IQCM: variants seen among roughly 807,000 people sequenced by gnomAD.
The protein encoded by IQCM is IQ motif containing M, also known as IQ domain-containing protein M.
Under a neutral mutation model 57.6 loss-of-function variants are expected in IQCM, and 45 were observed. That is an observed-to-expected ratio of 0.78 (90% CI 0.62 to 1.00). IQCM has a LOEUF of 1.00. Among genes scored for constraint, IQCM ranks in the 50% least tolerant of loss-of-function variants. The pLI is 0.00. For missense variants in IQCM, 468 were observed against 511.6 expected, an observed-to-expected ratio of 0.91 and a Z score of 0.82; for synonymous variants, 148 against 158.9, an observed-to-expected ratio of 0.93 and a Z score of 0.51.
At chr4:149,424,663 T>A (rs1734344043) in intron 13 of IQCM, among the ~76,000 whole-genome samples, 1 of 151,892 alleles carries the variant, frequency 6.6e-6, no homozygotes, top group East Asian at 1.9e-4. Context: ...CATTAAAATT[T>A]ATTTTTCATA....
chr4:149,367,759 C>G (rs1729943844), intron 13 of IQCM, among the ~76,000 whole-genome samples: 1 of 151,984 alleles, frequency 6.6e-6, no homozygotes, highest in Non-Finnish European at 1.5e-5. Flanking sequence ...AGTCATATTT[C>G]TACCAGCAAT....
chr4:149,439,006 G>A (rs1441804329), intron 12 of IQCM, among the ~76,000 whole-genome samples: 1 of 151,976 alleles, frequency 6.6e-6, no homozygotes, highest in Non-Finnish European at 1.5e-5. Flanking sequence ...ATTTAAAAAT[G>A]TTAAATTATA....
intron 6 of IQCM, among the ~76,000 whole-genome samples, chr4:149,685,089 C>T (rs902241464): frequency 2.6e-5 from 4 of 151,494 alleles, no homozygotes; most frequent in Non-Finnish European, 5.9e-5. Context: ...TTAAGAAAGA[C>T]ATTATACTGA....
intron 12 of IQCM, among the ~76,000 whole-genome samples, chr4:149,531,521 C>T (rs1746745038): frequency 6.6e-6 from 1 of 152,024 alleles, no homozygotes; most frequent in Non-Finnish European, 1.5e-5. Flanking sequence ...TCCCTTCTTT[C>T]CTTCAACAAA....
intron 4 of IQCM, among the ~76,000 whole-genome samples, 180 bp downstream of exon 4, chr4:149,735,196 A>G (rs1167141779): frequency 6.6e-6 from 1 of 152,204 alleles, no homozygotes; most frequent in African/African-American, 2.4e-5. Flanking sequence ...AAAAAATCTT[A>G]TTTTAAAATG....
At chr4:149,690,255 G>T (rs1474756116) in intron 5 of IQCM, among the ~76,000 whole-genome samples, 2 of 152,066 alleles carry the variant, frequency 1.3e-5, no homozygotes, top group Non-Finnish European at 2.9e-5. Context: ...AAAAAGAAAT[G>T]AATTAATGGC....
intron 12 of IQCM, among the ~76,000 whole-genome samples, chr4:149,519,617 G>T (rs1745395233): frequency 6.6e-6 from 1 of 152,066 alleles, no homozygotes; most frequent in Admixed American, 6.5e-5. Flanking sequence ...CTGCGCTCCA[G>T]CCTGGGCAAC....
At chr4:149,619,363 T>C (rs999149898) in intron 8 of IQCM, among the ~76,000 whole-genome samples, 1 of 152,060 alleles carries the variant, frequency 6.6e-6, no homozygotes, top group African/African-American at 2.4e-5. Flanking sequence ...GATGAAATGC[T>C]ATCTATTGTG....
At chr4:149,630,248 C>T (rs1757147837) in intron 7 of IQCM, among the ~76,000 whole-genome samples, 1 of 152,146 alleles carries the variant, frequency 6.6e-6, no homozygotes, top group Admixed American at 6.5e-5. Flanking sequence ...AGCACTCTGC[C>T]AAACGCAGTT....
chr4:149,545,501 C>A (rs1323433616), intron 12 of IQCM, among the ~76,000 whole-genome samples: 1 of 151,954 alleles, frequency 6.6e-6, no homozygotes, highest in Non-Finnish European at 1.5e-5. Flanking sequence ...TTACCTCACA[C>A]CTAGTATGAT....
In IQCM at chr4:149,630,690, G is replaced by A. The variant is rs574826539; in HGVS notation, c.566-9446C>T. On this transcript the variant is annotated intron_variant, in intron 7 of 13. Coordinates refer to ENST00000636793, the MANE Select transcript of IQCM (RefSeq NM_001363507.2). ...ACATCCCTGATGAAAATGAAAATTT[G>A]AAGACTTTTAGGAAAGTAATTGTCA... Among the ~76,000 whole-genome samples, 15 of 152,218 alleles carry A rather than the reference G, an allele frequency of 9.9e-5. No individual in the cohort carries two copies. The South Asian group carries it at 3.1e-3, about 32-fold the overall frequency.
intron 13 of IQCM, among the ~76,000 whole-genome samples, chr4:149,382,535 T>C (rs888165128): frequency 1.3e-5 from 2 of 152,126 alleles, no homozygotes; most frequent in Non-Finnish European, 2.9e-5. Context: ...ATAATTCTAA[T>C]TTCCAATCTA....
At chr4:149,581,579 T>C (rs1211836339) in intron 9 of IQCM, among the ~76,000 whole-genome samples, 1 of 151,530 alleles carries the variant, frequency 6.6e-6, no homozygotes, top group African/African-American at 2.4e-5. Context: ...GGTTTGTCTC[T>C]TTTTCAGAAC....
intron 7 of IQCM, among the ~76,000 whole-genome samples, chr4:149,633,085 C>T (rs1037214061): frequency 2.9e-5 from 4 of 136,338 alleles, no homozygotes; most frequent in African/African-American, 8.2e-5. Flanking sequence ...GGCGTGAACC[C>T]GGGAAGCGGA....
chr4:149,370,083 G>C (rs554889407), intron 13 of IQCM, among the ~76,000 whole-genome samples: 1 of 152,116 alleles, frequency 6.6e-6, no homozygotes, highest in African/African-American at 2.4e-5. Flanking sequence ...TTGTAGAGAG[G>C]GGGTTTCCCT....
At chr4:149,613,623 G>T (rs1233483125) in intron 8 of IQCM, among the ~76,000 whole-genome samples, 2 of 151,636 alleles carry the variant, frequency 1.3e-5, no homozygotes, top group African/African-American at 4.9e-5. Context: ...CAATGTGCAG[G>T]TTAGTTACAT....
At chr4:149,502,396 T>C (rs1474400371) in intron 12 of IQCM, among the ~76,000 whole-genome samples, 1 of 152,060 alleles carries the variant, frequency 6.6e-6, no homozygotes, top group Admixed American at 6.6e-5. Context: ...TGCATGCCTT[T>C]AAAGGCTCAT....
intron 13 of IQCM, among the ~76,000 whole-genome samples, chr4:149,379,402 C>T (rs894227518): frequency 3.9e-5 from 6 of 152,128 alleles, no homozygotes; most frequent in African/African-American, 1.4e-4. Flanking sequence ...AGGCTGTACC[C>T]CACAAAGCCA....
chr4:149,528,724 C>G (rs1046146876), intron 12 of IQCM, among the ~76,000 whole-genome samples: 2 of 152,062 alleles, frequency 1.3e-5, no homozygotes, highest in Non-Finnish European at 2.9e-5. Context: ...AGACAAATTT[C>G]TCACATGCCA....
Sources: allele counts gnomAD v4.1 joint callset (sites outside exome capture counted in the v4.1 genomes callset), GRCh38; gene constraint gnomAD v4.1.1; transcripts MANE v1.5; gene names NCBI Gene and HGNC (gene_info 2026-07-23, HGNC 2026-07-21).